The following PLXNA4 variants were observed in gnomAD, a reference collection of about 807,000 sequenced individuals.
PLXNA4 encodes the protein plexin A4, also known as plexin-A4.
In PLXNA4, 44 loss-of-function variants were observed where a neutral mutation model predicts 191.8. That is an observed-to-expected ratio of 0.23 (90% CI 0.18 to 0.29). The LOEUF is 0.29. PLXNA4 is among the 10% of genes least tolerant of loss of function. PLXNA4 has a pLI of 1.00. For missense variants in PLXNA4, 1,800 were observed against 2,488.8 expected (o/e 0.72, Z 5.89); for synonymous variants, 1,082 against 1,009.5 (o/e 1.07, Z -1.36).
At chr7:132,221,329 G>C (rs1426386842) in intron 9 of PLXNA4, among the ~76,000 whole-genome samples, 1 of 152,190 alleles carries the variant, frequency 6.6e-6, no homozygotes, top group Non-Finnish European at 1.5e-5. Flanking sequence ...AATTGTTTTT[G>C]CTTTCAGTTT....
intron 3 of PLXNA4, among the ~76,000 whole-genome samples, chr7:132,487,122 T>C (rs1005041633): frequency 1.3e-5 from 2 of 152,230 alleles, no homozygotes; most frequent in Non-Finnish European, 2.9e-5. Flanking sequence ...TGTTTTGTTA[T>C]GTGCACTGAA....
At chr7:132,583,042 A>G (rs1802435141) in intron 2 of PLXNA4, among the ~76,000 whole-genome samples, 1 of 152,178 alleles carries the variant, frequency 6.6e-6, no homozygotes, top group Non-Finnish European at 1.5e-5. Flanking sequence ...GCATCCACAA[A>G]CAGAATACTG....
intron 2 of PLXNA4, among the ~76,000 whole-genome samples, chr7:132,617,636 C>T (rs1478646508): frequency 6.6e-6 from 1 of 152,162 alleles, no homozygotes; most frequent in Non-Finnish European, 1.5e-5. Context: ...GAGGCTTCCT[C>T]CCATGAAATC....
chr7:132,265,724 AACAGG>A (rs1799827191), intron 4 of PLXNA4, among the ~76,000 whole-genome samples: 1 of 152,208 alleles, frequency 6.6e-6, no homozygotes, highest in Non-Finnish European at 1.5e-5. Flanking sequence ...GTCCCTGAAG[AACAGG>A]ACAGGGCTCA....
Position 132,559,981 on chromosome 7 carries a change from A to T in PLXNA4, c.-87+16441T>A, listed in dbSNP as rs541623483. On this transcript the variant is annotated intron_variant, in intron 1 of 31. Coordinates refer to ENST00000321063, the MANE Select transcript of PLXNA4 (RefSeq NM_020911.2). ...TGCCCCACCTAAAGGCATTCCCATGATAAAAATTTTTCCTTGGCACTTGAC... is the reference window on the plus strand; with the variant it reads ...TGCCCCACCTAAAGGCATTCCCATGTTAAAAATTTTTCCTTGGCACTTGAC... Among the ~76,000 whole-genome samples, 7 of 152,322 alleles carry T rather than the reference A, an allele frequency of 4.6e-5. No individual in the cohort carries two copies. The South Asian group carries it at 1.5e-3, about 32-fold the overall frequency.
At chr7:132,146,079 CAAAAAAAA>C (rs67412588) in intron 28 of PLXNA4, among the ~76,000 whole-genome samples, 5 of 48,920 alleles carry the variant, frequency 1.0e-4, no homozygotes, top group Non-Finnish European at 1.7e-4. Context: ...GACTCTGTCT[CAAAAAAAA>C]AAAAAAAAAA....
Position 132,223,576 on chromosome 7 carries a change from TG to T in PLXNA4, c.2047del (p.His683MetfsTer13). The T allele has an allele frequency of 6.2e-7, 1 of 1,613,864 alleles. No homozygotes were observed. Among genetic ancestry groups the T allele is most frequent in the Non-Finnish European group, 8.5e-7 (1 of 1,179,928 alleles). On this transcript the variant is annotated frameshift_variant, in exon 9 of 32. Transcript: ENST00000321063. LOFTEE classifies it high-confidence loss of function. ...CTGGAAGGAGCAGGTCTTGGGGTCA[TG>T]GGTGCAGACATGCCGGTATTTACAC... Reference protein sequence around the residue: ...HWCKYRHVCTHDPKTCSFQEG... With the variant: ...HWCKYRHVCTXDPKTCSFQEG...
At chr7:132,311,719 A>T (rs998063460) in intron 3 of PLXNA4, among the ~76,000 whole-genome samples, 5 of 152,170 alleles carry the variant, frequency 3.3e-5, no homozygotes, top group South Asian at 4.1e-4. Flanking sequence ...ACTTTTTAAA[A>T]ACAGCAGCTA....
intron 2 of PLXNA4, among the ~76,000 whole-genome samples, chr7:132,645,623 T>A: frequency 6.6e-6 from 1 of 152,220 alleles, no homozygotes; most frequent in East Asian, 1.9e-4. Context: ...TATGGCCCAC[T>A]GGTAGGGGCT....
intron 9 of PLXNA4, among the ~76,000 whole-genome samples, chr7:132,215,178 G>A (rs1332339244): frequency 1.3e-5 from 2 of 152,178 alleles, no homozygotes; most frequent in African/African-American, 4.8e-5. Flanking sequence ...AGCTCTAAGT[G>A]TCCCAAACAC....
chr7:132,216,334 A>AC (rs1299982116), intron 9 of PLXNA4, among the ~76,000 whole-genome samples: 6 of 152,136 alleles, frequency 3.9e-5, no homozygotes, highest in Non-Finnish European at 8.8e-5. Flanking sequence ...CAGTTTTCCC[A>AC]CCTCTAAAAT....
intron 3 of PLXNA4, among the ~76,000 whole-genome samples, chr7:132,461,892 A>G (rs1172966062): frequency 6.6e-6 from 1 of 152,280 alleles, no homozygotes; most frequent in Non-Finnish European, 1.5e-5. Context: ...CAAAGTCTTA[A>G]TGGCAAATGC....
At chr7:132,455,424 G>C (rs1046526368) in intron 3 of PLXNA4, among the ~76,000 whole-genome samples, 5 of 151,954 alleles carry the variant, frequency 3.3e-5, no homozygotes, top group Non-Finnish European at 7.4e-5. Flanking sequence ...ACATTCAAGT[G>C]TGCCCAAGTA....
At chr7:132,270,707 A>G (rs557886535) in intron 4 of PLXNA4, among the ~76,000 whole-genome samples, 2 of 152,382 alleles carry the variant, frequency 1.3e-5, no homozygotes, top group East Asian at 1.9e-4. Flanking sequence ...ATCATTTACA[A>G]TGCGGAGGAG....
chr7:132,298,601 G>C (rs1349017957), intron 3 of PLXNA4, among the ~76,000 whole-genome samples: 1 of 152,232 alleles, frequency 6.6e-6, no homozygotes, highest in Non-Finnish European at 1.5e-5. Context: ...GCATTGGAAA[G>C]GCAATATTAT....
At chr7:132,277,262 G>A (rs903782760) in intron 4 of PLXNA4, among the ~76,000 whole-genome samples, 3 of 152,194 alleles carry the variant, frequency 2.0e-5, no homozygotes, top group Admixed American at 2.0e-4. Context: ...CTCCAATTGG[G>A]AATTTTTTTT....
At chr7:132,604,555 T>C (rs1400928749) in intron 2 of PLXNA4, among the ~76,000 whole-genome samples, 2 of 152,202 alleles carry the variant, frequency 1.3e-5, no homozygotes, top group South Asian at 4.1e-4. Context: ...ACAGTTGTTT[T>C]TCAATAAACA....
At chr7:132,132,488 C>CTTT (rs1563048489) in intron 31 of PLXNA4, among the ~76,000 whole-genome samples, 1 of 84,504 alleles carries the variant, frequency 1.2e-5, no homozygotes, top group African/African-American at 4.2e-5. Context: ...CTCTGCTCTG[C>CTTT]TCTATTCTTT....
intron 2 of PLXNA4, among the ~76,000 whole-genome samples, chr7:132,638,449 C>T (rs946859027): frequency 3.9e-5 from 6 of 152,044 alleles, no homozygotes; most frequent in African/African-American, 1.2e-4. Context: ...GTCAGGAGTT[C>T]GAGACCAGCC....
Sources: gnomAD v4.1 joint callset for allele counts (sites outside exome capture counted in the v4.1 genomes callset) on GRCh38, gnomAD v4.1.1 for gene constraint, MANE v1.5 for transcripts, NCBI Gene and HGNC (gene_info 2026-07-23, HGNC 2026-07-21) for gene names.